The following SLIT3 variants were observed in gnomAD, a reference collection of about 807,000 sequenced individuals.
SLIT3 encodes the protein slit guidance ligand 3, also known as slit homolog 3 protein.
SLIT3 carries 68 observed loss-of-function variants against 184.0 expected under a neutral mutation model. The observed-to-expected ratio is 0.37, with a 90% CI of 0.30 to 0.45. The LOEUF (loss-of-function observed/expected upper bound fraction) is 0.45, where lower values mean the gene tolerates loss of function less well. Ranked by LOEUF, SLIT3 falls within the 20% of genes least tolerant of loss-of-function variation. The probability of loss-of-function intolerance (pLI) is 1.00; values close to 1 mark genes in which losing one functional copy is unlikely to be tolerated. For missense variants in SLIT3, 1,707 were observed against 2,026.0 expected (o/e 0.84, Z 3.02); for synonymous variants, 831 against 828.6 (o/e 1.00, Z -0.05).
At chr5:168,879,806 T>C (rs915312105) in intron 5 of SLIT3, among the ~76,000 whole-genome samples, 1 of 152,196 alleles carries the variant, frequency 6.6e-6, no homozygotes, top group African/African-American at 2.4e-5. Context: ...ACTCAGGATC[T>C]TCCAAGCCTG....
intron 4 of SLIT3, among the ~76,000 whole-genome samples, chr5:169,089,546 C>T (rs1419773721): frequency 1.3e-5 from 2 of 152,174 alleles, no homozygotes; most frequent in Admixed American, 6.5e-5. Flanking sequence ...TTCCCAAACC[C>T]AAATCCCGTG....
At chr5:169,289,953 G>A (rs1271220810) in intron 1 of SLIT3, among the ~76,000 whole-genome samples, 4 of 151,386 alleles carry the variant, frequency 2.6e-5, no homozygotes, top group Admixed American at 6.6e-5. Context: ...CAGGGCATAC[G>A]CTAAGGCACA....
rs201864855 is a variant in SLIT3 at position 168,756,130 on chromosome 5, G to A, written c.1686-2123C>T. 8.5e-5 allele frequency among the ~76,000 whole-genome samples: 13 copies of A among 152,286 alleles called. No individual in the cohort carries two copies. The South Asian group carries it at 2.3e-3, about 27-fold the overall frequency. On this transcript the variant is annotated intron_variant, in intron 16 of 35. Transcript: ENST00000519560. ...GCACACGAAAGCTGGCAGAATTGGCGGGCTCGCAGAGATAGACCAGGACCA... is the reference window on the plus strand; with the variant it reads ...GCACACGAAAGCTGGCAGAATTGGCAGGCTCGCAGAGATAGACCAGGACCA...
chr5:169,101,637 G>T (rs1760019799), intron 4 of SLIT3, among the ~76,000 whole-genome samples: 1 of 152,150 alleles, frequency 6.6e-6, no homozygotes, highest in Non-Finnish European at 1.5e-5. Flanking sequence ...GCATTTCATT[G>T]CTAAAAGAAT....
intron 1 of SLIT3, among the ~76,000 whole-genome samples, chr5:169,286,265 G>T (rs1422332376): frequency 6.6e-6 from 1 of 152,010 alleles, no homozygotes; most frequent in African/African-American, 2.4e-5. Flanking sequence ...AACCTACAAA[G>T]CCCCAAGCCA....
intron 4 of SLIT3, among the ~76,000 whole-genome samples, chr5:169,148,646 G>A (rs970879218): frequency 3.9e-5 from 6 of 152,134 alleles, no homozygotes; most frequent in African/African-American, 7.2e-5. Flanking sequence ...TCGTCATCTC[G>A]CATAAACAAT....
intron 4 of SLIT3, among the ~76,000 whole-genome samples, chr5:168,922,884 T>C (rs1761688414): frequency 2.0e-5 from 3 of 152,220 alleles, no homozygotes; most frequent in Admixed American, 2.0e-4. Flanking sequence ...CTCACTATCC[T>C]AAATGCAGGA....
intron 4 of SLIT3, among the ~76,000 whole-genome samples, chr5:169,135,428 T>A (rs1002188124): frequency 1.3e-5 from 2 of 150,328 alleles, no homozygotes; most frequent in Non-Finnish European, 3.0e-5. Flanking sequence ...TGTTTTTTTT[T>A]AATCCATGAG....
chr5:169,257,856 T>C (rs1766028839), intron 1 of SLIT3, among the ~76,000 whole-genome samples: 1 of 151,866 alleles, frequency 6.6e-6, no homozygotes, highest in Admixed American at 6.6e-5. Context: ...TGCCCAGCCT[T>C]CCATGCTTTC....
intron 4 of SLIT3, among the ~76,000 whole-genome samples, chr5:169,082,847 G>A (rs776930202): frequency 6.6e-5 from 10 of 152,032 alleles, no homozygotes; most frequent in Non-Finnish European, 1.2e-4. Flanking sequence ...TACCCCTTTC[G>A]GCTAAATTTA....
intron 4 of SLIT3, among the ~76,000 whole-genome samples, chr5:169,085,431 G>A (rs1466832724): frequency 2.6e-5 from 4 of 152,098 alleles, no homozygotes; most frequent in Non-Finnish European, 5.9e-5. Context: ...CACTGAAATC[G>A]CTTCAACTAA....
intron 3 of SLIT3, among the ~76,000 whole-genome samples, chr5:169,218,527 C>T (rs111988560): frequency 8.2e-4 from 125 of 152,292 alleles, no homozygotes; most frequent in African/African-American, 2.7e-3. Context: ...AGGTGACTGG[C>T]GGGAACATTA....
intron 4 of SLIT3, among the ~76,000 whole-genome samples, chr5:169,000,392 C>CA (rs34002967): frequency 0.081 from 3,394 of 41,942 alleles, 183 homozygotes; most frequent in East Asian, 0.14. Flanking sequence ...AACTCCATCT[C>CA]AAAAAAAAAA....
intron 29 of SLIT3, among the ~76,000 whole-genome samples, chr5:168,689,035 CCTT>C (rs1196084219): frequency 2.0e-5 from 3 of 152,186 alleles, no homozygotes; most frequent in East Asian, 1.9e-4. Flanking sequence ...AATGTATTGA[CCTT>C]CTTTTTCTTT....
intron 4 of SLIT3, among the ~76,000 whole-genome samples, chr5:169,003,825 A>C (rs1036807573): frequency 6.6e-6 from 1 of 152,182 alleles, no homozygotes; most frequent in Non-Finnish European, 1.5e-5. Flanking sequence ...GTTGTGGCTG[A>C]TAAGTAAGGA....
intron 3 of SLIT3, among the ~76,000 whole-genome samples, chr5:169,226,658 G>T (rs1314269700): frequency 6.6e-6 from 1 of 152,144 alleles, no homozygotes; most frequent in Non-Finnish European, 1.5e-5. Context: ...TTTAATAAAT[G>T]TAAGCATTAT....
chr5:169,051,178 T>C (rs1408885088), intron 4 of SLIT3, among the ~76,000 whole-genome samples: 1 of 152,158 alleles, frequency 6.6e-6, no homozygotes, highest in Non-Finnish European at 1.5e-5. Flanking sequence ...AAATCAAACA[T>C]TCAAGGGATC....
Position 168,665,176 on chromosome 5 carries a change from C to T in SLIT3, c.*1278G>A, listed in dbSNP as rs557161179. On this transcript the variant is annotated 3_prime_UTR_variant, in exon 36 of 36. Coordinates refer to ENST00000519560, the MANE Select transcript of SLIT3 (RefSeq NM_003062.4). ...CCAGAGCCTGTGAGGGCCTAAACTT[C>T]CTTCTTAGTGAACCCAGCTCTACTC... 6.6e-6 allele frequency: 1 copy of T among 152,190 alleles called. No homozygotes were observed. Among genetic ancestry groups the T allele is most frequent in the African/African-American group, 2.4e-5 (1 of 41,426 alleles). 9.4% of individuals were successfully genotyped at this position (152,190 alleles called of 1,614,324 possible). A position where few individuals can be genotyped will look rare whatever the true frequency, so the allele number is the denominator to read the frequency against.
At chr5:169,032,599 G>T (rs540360095) in intron 4 of SLIT3, among the ~76,000 whole-genome samples, 215 of 110,408 alleles carry the variant, frequency 1.9e-3, no homozygotes, top group African/African-American at 6.6e-3. Context: ...TTTTAGTTTC[G>T]TTTTTTTTTT....
Sources: gnomAD v4.1 joint callset for allele counts (sites outside exome capture counted in the v4.1 genomes callset) on GRCh38, gnomAD v4.1.1 for gene constraint, MANE v1.5 for transcripts, NCBI Gene and HGNC (gene_info 2026-07-23, HGNC 2026-07-21) for gene names.